TSPAN9: variants seen among roughly 807,000 people sequenced by gnomAD.
TSPAN9 encodes tetraspanin 9.
Under a neutral mutation model 31.0 loss-of-function variants are expected in TSPAN9, and 16 were observed. The observed-to-expected ratio is 0.52, with a 90% CI of 0.35 to 0.78. The LOEUF is 0.78. Ranked by LOEUF, TSPAN9 falls within the 30% of genes least tolerant of loss-of-function variation. The pLI, the probability that TSPAN9 is intolerant of heterozygous loss-of-function variation, is 0.01. For missense variants in TSPAN9, 272 were observed against 312.5 expected, an observed-to-expected ratio of 0.87 and a Z score of 0.98; for synonymous variants, 145 against 121.6, an observed-to-expected ratio of 1.19 and a Z score of -1.27.
At chr12:3,227,880 A>G (rs536640283) in intron 3 of TSPAN9, among the ~76,000 whole-genome samples, 1 of 152,118 alleles carries the variant, frequency 6.6e-6, no homozygotes, top group African/African-American at 2.4e-5. Context: ...CCGAGGTTAT[A>G]ATAATGATCT....
At chr12:3,109,268 C>CTCTGTGTGTG (rs2098316744) in intron 2 of TSPAN9, among the ~76,000 whole-genome samples, 1 of 119,300 alleles carries the variant, frequency 8.4e-6, no homozygotes, top group African/African-American at 3.7e-5. Context: ...TTCATATAGT[C>CTCTGTGTGTG]TGTGTGTGTG....
intron 3 of TSPAN9, among the ~76,000 whole-genome samples, chr12:3,230,584 A>G (rs903446830): frequency 7.9e-5 from 12 of 152,112 alleles, no homozygotes; most frequent in South Asian, 4.1e-4. Context: ...GCGCTCTTCA[A>G]CACTTCGGAG....
chr12:3,277,174 C>T (rs11615805), intron 3 of TSPAN9, among the ~76,000 whole-genome samples: 11,154 of 152,270 alleles, frequency 0.073, 565 homozygotes, highest in Non-Finnish European at 0.097. Context: ...ACTCTGCATA[C>T]GAGAGGTTTG....
rs1353743982 is a variant in TSPAN9 at position 3,250,761 on chromosome 12, C to T, written c.64-27660C>T. Among the ~76,000 whole-genome samples the T allele has an allele frequency of 6.6e-5, 10 of 152,348 alleles. No homozygotes were observed. In the South Asian group the frequency reaches 1.0e-3, roughly 16 times the overall value. ...CCAGAACCCTTTCCTGGTCCTGTGA[C>T]GGAGCGCCAGAGGTATGCAGAGCTT... On this transcript the variant is annotated intron_variant, in intron 3 of 8. Transcript: ENST00000011898.
Position 3,107,391 on chromosome 12 carries a change from C to T in TSPAN9, c.-18+23672C>T, listed in dbSNP as rs137863272. ...CTGGAGGCTGAGATGAGATCCCCAG[C>T]CTGTTTGGCTGCCTGATGGGTTGAC... On this transcript the variant is annotated intron_variant, in intron 2 of 8. Transcript: ENST00000011898. This position sits in a 1 kb window ranked among gnomAD's most constrained non-coding sequence, Gnocchi z 4.1. Among the ~76,000 whole-genome samples, 263 of 152,314 alleles carry T rather than the reference C, an allele frequency of 1.7e-3. 6 individuals are homozygous for T. In the Middle Eastern group the frequency reaches 0.031, roughly 18 times the overall value.
rs934634990 is a variant in TSPAN9, at chr12:3,253,975, G to A, written c.64-24446G>A. Among the ~76,000 whole-genome samples, 8 of 152,364 alleles carry A rather than the reference G, an allele frequency of 5.3e-5. No individual in the cohort carries two copies. The South Asian group carries it at 1.4e-3, about 28-fold the overall frequency. On this transcript the variant is annotated intron_variant, in intron 3 of 8. Transcript: ENST00000011898. The stretch of plus-strand genomic sequence containing the variant: ...GTGAAAATGCTCAGGTGATTCTGAT[G>A]CCCAGCAGGGGAGTGGAGGGATAAG...
At chr12:3,162,489 G>A (rs552278831) in intron 2 of TSPAN9, among the ~76,000 whole-genome samples, 116 of 152,244 alleles carry the variant, frequency 7.6e-4, no homozygotes, top group Non-Finnish European at 1.4e-3. Context: ...CAGCAGAGAG[G>A]TTATCAACTC....
intron 2 of TSPAN9, among the ~76,000 whole-genome samples, chr12:3,110,921 C>T (rs966501515): frequency 9.2e-5 from 14 of 152,220 alleles, no homozygotes; most frequent in African/African-American, 3.4e-4. Context: ...GTTAAATGAA[C>T]AAAAATAAAA....
At chr12:3,080,739 A>G (rs780176127) in intron 1 of TSPAN9, among the ~76,000 whole-genome samples, 2 of 152,254 alleles carry the variant, frequency 1.3e-5, no homozygotes, top group African/African-American at 4.8e-5. Flanking sequence ...ATTACCTTGT[A>G]AAACTGAAGC....
intron 3 of TSPAN9, among the ~76,000 whole-genome samples, chr12:3,218,761 A>G (rs1020682389): frequency 3.0e-4 from 45 of 152,178 alleles, no homozygotes; most frequent in African/African-American, 1.0e-3. Context: ...TTAAGACATC[A>G]CCAGCTGCCT....
Position 3,124,316 on chromosome 12 carries a change from T to C in TSPAN9, c.-18+40597T>C, listed in dbSNP as rs909641699. On this transcript the variant is annotated intron_variant, in intron 2 of 8. Coordinates refer to ENST00000011898, the MANE Select transcript of TSPAN9 (RefSeq NM_006675.5). ...AACATTCATTCATAATTCTGTTCTT[T>C]GGAGTTTATACCAAAGTAGTTATAT... is the stretch of plus-strand genomic sequence containing the variant. 2.0e-5 allele frequency among the ~76,000 whole-genome samples: 3 copies of C among 152,362 alleles called. No homozygotes were observed. In the South Asian group the frequency reaches 6.2e-4, roughly 32 times the overall value.
At chr12:3,281,120 C>T in intron 6 of TSPAN9, 78 bp from the exon 7 acceptor site, 1 of 1,537,806 alleles carries the variant, frequency 6.5e-7, no homozygotes, top group African/African-American at 1.4e-5. Flanking sequence ...CTGGGGTTGG[C>T]CTGGGCAGGG....
chr12:3,121,341 G>T (rs201474340), intron 2 of TSPAN9, among the ~76,000 whole-genome samples: 4,460 of 28,062 alleles, frequency 0.16, 369 homozygotes, highest in African/African-American at 0.32. Flanking sequence ...TTTCAAAACA[G>T]GGGATGTTGG....
chr12:3,260,284 C>T (rs918776257), intron 3 of TSPAN9, among the ~76,000 whole-genome samples: 8 of 152,218 alleles, frequency 5.3e-5, no homozygotes, highest in Non-Finnish European at 1.0e-4. Context: ...ATGAGTTACC[C>T]GGACAAAGCT....
At chr12:3,183,145 G>A (rs1215510928) in intron 2 of TSPAN9, among the ~76,000 whole-genome samples, 1 of 152,224 alleles carries the variant, frequency 6.6e-6, no homozygotes, top group African/African-American at 2.4e-5. Flanking sequence ...CTGGAGGGGT[G>A]GGGGCCCCAG....
At chr12:3,136,392 C>T (rs180875645) in intron 2 of TSPAN9, among the ~76,000 whole-genome samples, 13 of 152,280 alleles carry the variant, frequency 8.5e-5, no homozygotes, top group East Asian at 1.9e-4. Flanking sequence ...TTACAGTTCA[C>T]GTGGCTCTTC....
Position 3,119,648 on chromosome 12 carries a change from C to G in TSPAN9, c.-18+35929C>G, listed in dbSNP as rs373009456. Among the ~76,000 whole-genome samples the G allele has an allele frequency of 1.9e-3, 287 of 152,360 alleles. 3 individuals are homozygous for G. Among genetic ancestry groups the G allele is most frequent in the African/African-American group, 6.6e-3 (276 of 41,582 alleles). ...TCTCTGCTGTGAATGCACCCCCGCT[C>G]CTCTCCACTGACCACATCCTGTGCA... On this transcript the variant is annotated intron_variant, in intron 2 of 8. Transcript: ENST00000011898.
chr12:3,178,357 C>G (rs1429545751), intron 2 of TSPAN9, among the ~76,000 whole-genome samples: 1 of 151,356 alleles, frequency 6.6e-6, no homozygotes, highest in Non-Finnish European at 1.5e-5. Flanking sequence ...GTGGCGTGCT[C>G]TCATTTCACT....
chr12:3,226,516 C>T (rs1336186047), intron 3 of TSPAN9, among the ~76,000 whole-genome samples: 2 of 150,906 alleles, frequency 1.3e-5, no homozygotes, highest in Non-Finnish European at 2.9e-5. Context: ...GATGGAGGGT[C>T]CTAAGCCTCT....
Sources: allele counts gnomAD v4.1 joint callset (sites outside exome capture counted in the v4.1 genomes callset), GRCh38; gene constraint gnomAD v4.1.1; non-coding constraint Gnocchi (gnomAD v3.1); transcripts MANE v1.5; gene names NCBI Gene and HGNC (gene_info 2026-07-23, HGNC 2026-07-21).